Variants in PARP8 observed in about 807,000 individuals in gnomAD.
PARP8 encodes the protein protein mono-ADP-ribosyltransferase PARP8.
A neutral mutation model predicts 124.1 loss-of-function variants in PARP8; 51 were observed. That is an observed-to-expected ratio of 0.41 (90% CI 0.33 to 0.52). The LOEUF (loss-of-function observed/expected upper bound fraction) is 0.52, where lower values mean the gene tolerates loss of function less well. Ranked by LOEUF, PARP8 falls within the 20% of genes least tolerant of loss-of-function variation. The probability of loss-of-function intolerance (pLI) is 0.21; values close to 1 mark genes in which losing one functional copy is unlikely to be tolerated. For synonymous variants in PARP8, 391 were observed against 361.5 expected, an observed-to-expected ratio of 1.08 and a Z score of -0.93; for missense variants, 860 against 1,018.9, an observed-to-expected ratio of 0.84 and a Z score of 2.12.
intron 2 of PARP8, among the ~76,000 whole-genome samples, chr5:50,676,212 T>C (rs1332669381): frequency 1.3e-5 from 2 of 152,240 alleles, no homozygotes; most frequent in Admixed American, 1.3e-4. Flanking sequence ...CTCTGAGTCT[T>C]ATTCATTAAA....
In PARP8 at chr5:50,698,229, C is replaced by A. The variant is rs1446550791; in HGVS notation, c.146+30104C>A. Among the ~76,000 whole-genome samples, 3 of 152,216 alleles carry A rather than the reference C, an allele frequency of 2.0e-5. No homozygotes were observed. In the East Asian group the frequency reaches 5.8e-4, roughly 29 times the overall value. ...TAAATTGGAGGTTTAGATAAGAAAA[C>A]CTCAGAGAACAAAACATGTATAATA... is the stretch of plus-strand genomic sequence containing the variant. On this transcript the variant is annotated intron_variant, in intron 2 of 25. Coordinates refer to ENST00000281631, the MANE Select transcript of PARP8 (RefSeq NM_024615.4).
intron 17 of PARP8, 41 bp from the exon 18 acceptor site, chr5:50,824,867 A>G: frequency 6.5e-7 from 1 of 1,549,058 alleles, no homozygotes; most frequent in East Asian, 2.2e-5. Context: ...GGAAAAATGA[A>G]TTTTTATGAA....
intron 2 of PARP8, among the ~76,000 whole-genome samples, chr5:50,678,570 GAGAGAAATGGAGATT>G (rs1278435778): frequency 3.3e-5 from 5 of 152,130 alleles, no homozygotes; most frequent in Non-Finnish European, 7.4e-5. Flanking sequence ...AGATATATGA[GAGAGAAATGGAGATT>G]AGAGATCTAT....
chr5:50,763,207 T>C lies in PARP8; in HGVS notation c.483T>C (p.Val161=). 6.2e-7 allele frequency: 1 copy of C among 1,613,452 alleles called. No individual in the cohort carries two copies. Among genetic ancestry groups the C allele is most frequent in the South Asian group, 1.1e-5 (1 of 91,060 alleles). The stretch of plus-strand genomic sequence containing the variant: ...AACTGGAAGCTGATTTGTCAGCAGT[T>C]AGAGAGATATATGGGCCACATGCAG... ...HPQLEADLSA[V]REIYGPHAVS... The change falls in exon 7 of 26, where the codon GTT becomes GTC. Residue 161 remains valine (V), a synonymous_variant. Coordinates refer to ENST00000281631, the MANE Select transcript of PARP8 (RefSeq NM_024615.4).
intron 25 of PARP8, among the ~76,000 whole-genome samples, chr5:50,837,804 AAG>A (rs1747749260): frequency 6.6e-6 from 1 of 152,158 alleles, no homozygotes; most frequent in South Asian, 2.1e-4. Flanking sequence ...TTAAAAAAAA[AAG>A]AAGAGAATTA....
At chr5:50,818,403 A>G (rs989966381) in intron 15 of PARP8, among the ~76,000 whole-genome samples, 3 of 151,570 alleles carry the variant, frequency 2.0e-5, no homozygotes, top group African/African-American at 4.9e-5. Flanking sequence ...TAATTTTTGT[A>G]TTTTTTTGTG....
chr5:50,823,800 G>A lies in PARP8; in HGVS notation c.1861-1108G>A, dbSNP rs1321673799. Reference sequence around the variant, plus strand: ...TATTTTAATAGAAGGGAACGTAGACGACTGAGCGTCAGCCTAGGAAGTTAA... The same window carrying A: ...TATTTTAATAGAAGGGAACGTAGACAACTGAGCGTCAGCCTAGGAAGTTAA... On this transcript the variant is annotated intron_variant, in intron 17 of 25. Transcript: ENST00000281631. 2.0e-5 allele frequency among the ~76,000 whole-genome samples: 3 copies of A among 152,186 alleles called. 1 individual carries two copies. Among genetic ancestry groups the A allele is most frequent in the East Asian group, 3.8e-4 (2 of 5,196 alleles).
chr5:50,693,234 T>C (rs1348688200), intron 2 of PARP8, among the ~76,000 whole-genome samples: 1 of 152,202 alleles, frequency 6.6e-6, no homozygotes, highest in African/African-American at 2.4e-5. Context: ...TGAATTAGTA[T>C]GGGAATTAGC....
At chr5:50,807,217 C>G (rs190073995) in intron 14 of PARP8, among the ~76,000 whole-genome samples, 12 of 152,004 alleles carry the variant, frequency 7.9e-5, no homozygotes, top group Non-Finnish European at 1.3e-4. Context: ...GTTAGCATGT[C>G]GCACTCTCTG....
chr5:50,807,283 C>T (rs1468583542), intron 14 of PARP8, among the ~76,000 whole-genome samples: 3 of 152,034 alleles, frequency 2.0e-5, no homozygotes, highest in Non-Finnish European at 4.4e-5. Context: ...GCTCCTTCTT[C>T]GCTTTTGTTT....
At chr5:50,839,666 TTCTCTCTC>T (rs34544570) in intron 25 of PARP8, among the ~76,000 whole-genome samples, 3 of 147,388 alleles carry the variant, frequency 2.0e-5, no homozygotes, top group Non-Finnish European at 4.5e-5. Flanking sequence ...CTCTCTTTCT[TTCTCTCTC>T]TCTCTCTCTC....
intron 9 of PARP8, among the ~76,000 whole-genome samples, chr5:50,782,682 A>C (rs1740801588): frequency 6.6e-6 from 1 of 152,246 alleles, no homozygotes; most frequent in African/African-American, 2.4e-5. Flanking sequence ...TATTAAGGTT[A>C]AGCAGATGAA....
chr5:50,709,961 T>TAC (rs1178472266), intron 2 of PARP8, among the ~76,000 whole-genome samples: 1 of 95,980 alleles, frequency 1.0e-5, no homozygotes, highest in African/African-American at 3.1e-5. Flanking sequence ...TATATACACA[T>TAC]ACATATATAC....
chr5:50,672,507 G>A (rs1012130543), intron 2 of PARP8, among the ~76,000 whole-genome samples: 3 of 152,194 alleles, frequency 2.0e-5, no homozygotes, highest in African/African-American at 7.2e-5. Context: ...AATTTCATAC[G>A]AATCCAGTGT....
chr5:50,725,627 C>G (rs1263360773), intron 2 of PARP8, among the ~76,000 whole-genome samples: 1 of 152,100 alleles, frequency 6.6e-6, no homozygotes, highest in Non-Finnish European at 1.5e-5. Context: ...AATTAGTGGG[C>G]TAGCTAACAG....
At chr5:50,813,026 A>G (rs1005589176) in intron 14 of PARP8, among the ~76,000 whole-genome samples, 106 of 152,032 alleles carry the variant, frequency 7.0e-4, no homozygotes, top group African/African-American at 2.4e-3. Context: ...GTCAGGTAGC[A>G]TGATGCCTCC....
chr5:50,822,109 C>T (rs1482558641), intron 16 of PARP8, among the ~76,000 whole-genome samples: 1 of 152,126 alleles, frequency 6.6e-6, no homozygotes, highest in Non-Finnish European at 1.5e-5. Flanking sequence ...TCCGCCATGG[C>T]TTATAGAAGG....
chr5:50,734,203 A>G (rs1161323296), intron 2 of PARP8, among the ~76,000 whole-genome samples: 1 of 151,904 alleles, frequency 6.6e-6, no homozygotes, highest in Non-Finnish European at 1.5e-5. Flanking sequence ...TCTTCTTGTC[A>G]GTTGGTATAT....
chr5:50,696,402 A>G (rs1337041400), intron 2 of PARP8, among the ~76,000 whole-genome samples: 2 of 152,182 alleles, frequency 1.3e-5, no homozygotes, highest in African/African-American at 4.8e-5. Flanking sequence ...TTGTGTGTGG[A>G]AGTATGCATT....
Sources: gnomAD v4.1 joint callset for allele counts (sites outside exome capture counted in the v4.1 genomes callset) on GRCh38, gnomAD v4.1.1 for gene constraint, MANE v1.5 for transcripts, NCBI Gene and HGNC (gene_info 2026-07-23, HGNC 2026-07-21) for gene names.